KAT6B: variants seen among roughly 807,000 people sequenced by gnomAD.
The protein encoded by KAT6B is histone acetyltransferase KAT6B.
A neutral mutation model predicts 187.5 loss-of-function variants in KAT6B; 10 were observed. The observed-to-expected ratio is 0.05, with a 90% CI of 0.03 to 0.09. The LOEUF is 0.09. Ranked by LOEUF, KAT6B falls within the 10% of genes least tolerant of loss-of-function variation. The pLI, the probability that KAT6B is intolerant of heterozygous loss-of-function variation, is 1.00. For missense variants in KAT6B, 1,952 were observed against 2,558.9 expected (o/e 0.76, Z 5.12); for synonymous variants, 861 against 926.8 (o/e 0.93, Z 1.29).
chr10:74,924,153 A>C (rs542041169), intron 3 of KAT6B, among the ~76,000 whole-genome samples: 14 of 152,320 alleles, frequency 9.2e-5, no homozygotes. Flanking sequence ...AGAGATGGCC[A>C]TGGTAGAAGG....
chr10:74,947,264 T>C (rs1388307449), intron 3 of KAT6B, among the ~76,000 whole-genome samples: 1 of 152,170 alleles, frequency 6.6e-6, no homozygotes, highest in Admixed American at 6.5e-5. Flanking sequence ...AGTACTGGAA[T>C]TATAGGGATG....
intron 13 of KAT6B, among the ~76,000 whole-genome samples, chr10:75,014,481 T>C (rs191989446): frequency 2.0e-5 from 3 of 152,140 alleles, no homozygotes; most frequent in Admixed American, 2.0e-4. Flanking sequence ...TTTAAAAAAA[T>C]GTTACATAAT....
intron 3 of KAT6B, among the ~76,000 whole-genome samples, chr10:74,949,290 A>G (rs558883096): frequency 6.6e-6 from 1 of 152,316 alleles, no homozygotes; most frequent in African/African-American, 2.4e-5. Context: ...TTCTAATGGC[A>G]GAAGTGGAGG....
intron 3 of KAT6B, among the ~76,000 whole-genome samples, chr10:74,882,065 C>T (rs1311348202): frequency 1.3e-4 from 20 of 152,196 alleles, no homozygotes; most frequent in Admixed American, 1.3e-3. Context: ...CCTGCTCTTC[C>T]CGCTGCGCCT....
intron 3 of KAT6B, among the ~76,000 whole-genome samples, chr10:74,862,870 G>A (rs1009974869): frequency 2.0e-5 from 3 of 152,064 alleles, no homozygotes; most frequent in African/African-American, 7.2e-5. Context: ...GTGGAGGGAC[G>A]GCAGCCCCCA....
chr10:74,981,733 C>T (rs1412896429), intron 10 of KAT6B, 54 bp from the exon 11 acceptor site: 2 of 1,234,542 alleles, frequency 1.6e-6, no homozygotes, highest in African/African-American at 3.0e-5. Context: ...ATTTAATCTT[C>T]CCCCCAACAG....
intron 3 of KAT6B, among the ~76,000 whole-genome samples, chr10:74,944,517 A>T (rs1849953239): frequency 6.6e-6 from 1 of 152,230 alleles, no homozygotes; most frequent in Non-Finnish European, 1.5e-5. Context: ...GTCATCAAGG[A>T]TATGCAAATT....
chr10:74,941,229 A>T (rs945192928), intron 3 of KAT6B, among the ~76,000 whole-genome samples: 2 of 152,200 alleles, frequency 1.3e-5, no homozygotes, highest in Non-Finnish European at 2.9e-5. Flanking sequence ...GAATGAGCAG[A>T]TCCTCTACAT....
intron 3 of KAT6B, among the ~76,000 whole-genome samples, chr10:74,879,104 T>G (rs1251671800): frequency 3.9e-5 from 6 of 152,196 alleles, no homozygotes; most frequent in African/African-American, 1.4e-4. Context: ...AGAAAGTAGC[T>G]TCCCAGTCTC....
At chr10:74,847,010 C>T (rs968832905) in intron 3 of KAT6B, among the ~76,000 whole-genome samples, 35 of 152,100 alleles carry the variant, frequency 2.3e-4, no homozygotes, top group African/African-American at 7.5e-4. Context: ...TCTGATCCTT[C>T]GCTTTAACCT....
intron 1 of KAT6B, among the ~76,000 whole-genome samples, chr10:74,834,398 A>G (rs979142832): frequency 6.6e-6 from 1 of 151,978 alleles, no homozygotes; most frequent in Non-Finnish European, 1.5e-5. Context: ...GAGTTTCACC[A>G]TGTTGGCCAG....
intron 3 of KAT6B, among the ~76,000 whole-genome samples, chr10:74,940,278 C>CTTT (rs988686640): frequency 6.3e-5 from 9 of 142,176 alleles, no homozygotes; most frequent in African/African-American, 2.1e-4. Context: ...TATTTTTCCC[C>CTTT]TTTTTTTTTT....
intron 1 of KAT6B, among the ~76,000 whole-genome samples, chr10:74,834,132 A>G (rs887207302): frequency 4.6e-5 from 7 of 151,722 alleles, no homozygotes; most frequent in Non-Finnish European, 8.8e-5. Context: ...CTGCTCCTGC[A>G]GTGGCTTCCT....
intron 10 of KAT6B, 41 bp from the exon 11 acceptor site, chr10:74,981,746 T>G: frequency 1.5e-6 from 2 of 1,323,470 alleles, no homozygotes; most frequent in Non-Finnish European, 2.2e-6. Flanking sequence ...CCCAACAGTA[T>G]AATCTATCTG....
intron 3 of KAT6B, among the ~76,000 whole-genome samples, chr10:74,917,059 C>G (rs1847743587): frequency 6.6e-6 from 1 of 152,182 alleles, no homozygotes; most frequent in African/African-American, 2.4e-5. Context: ...GAACTGAGAT[C>G]ACACCACTGC....
chr10:75,012,724 A>T (rs1271717587), intron 13 of KAT6B, among the ~76,000 whole-genome samples: 1 of 152,208 alleles, frequency 6.6e-6, no homozygotes, highest in Non-Finnish European at 1.5e-5. Flanking sequence ...ACTGACATGC[A>T]GAATGACCAA....
At position 74,979,239 on chromosome 10, in the gene KAT6B, A is replaced by G. The variant is rs1842356917; in HGVS notation, c.2131A>G (p.Ser711Gly). 3.1e-6 allele frequency: 5 copies of G among 1,611,650 alleles called. No homozygotes were observed. The highest frequency in any genetic ancestry group is 4.2e-6 in the Non-Finnish European group (5 of 1,177,818). The change falls in exon 10 of 18, where the codon AGT (serine) becomes GGT (glycine). Residue 711 changes from serine to glycine, a missense_variant. By Grantham distance (56) the Ser-to-Gly change is moderately conservative (BLOSUM62 0). This residue lies in a region of KAT6B where 417 missense variants were observed against 508.9 expected (regional missense o/e 0.82). Coordinates refer to ENST00000287239, the MANE Select transcript of KAT6B (RefSeq NM_012330.4). ...ELSWEKIECE[S>G]GVEDCGRYPS... The stretch of plus-strand genomic sequence containing the variant: ...TATTTGACAGAAAATAGAGTGTGAG[A>G]GTGGGGTGGAAGACTGTGGCCGGTA...
At chr10:74,913,336 T>C (rs1358902727) in intron 3 of KAT6B, among the ~76,000 whole-genome samples, 2 of 152,214 alleles carry the variant, frequency 1.3e-5, no homozygotes, top group East Asian at 1.9e-4. Context: ...AATACATACC[T>C]GTGATAAAGT....
At chr10:74,912,375 GGATA>G (rs35051764) in intron 3 of KAT6B, among the ~76,000 whole-genome samples, 1,722 of 145,622 alleles carry the variant, frequency 0.012, 11 homozygotes, top group Middle Eastern at 0.027. Flanking sequence ...ATGGATGGAT[GGATA>G]GATAGATAGA....
Sources: gnomAD v4.1 joint callset for allele counts (sites outside exome capture counted in the v4.1 genomes callset) on GRCh38, gnomAD v4.1.1 for gene constraint, gnomAD v4.1.1 regional missense constraint, MANE v1.5 for transcripts, NCBI Gene and HGNC (gene_info 2026-07-23, HGNC 2026-07-21) for gene names.